The following SDK1 variants were observed in gnomAD, a reference collection of about 807,000 sequenced individuals.
The protein encoded by SDK1 is protein sidekick-1.
In SDK1, 157 loss-of-function variants were observed where a neutral mutation model predicts 245.5. The observed-to-expected ratio is 0.64, with a 90% CI of 0.56 to 0.73. The LOEUF is 0.73. SDK1 is among the 30% of genes least tolerant of loss of function. The pLI is 0.00. For missense variants in SDK1, 3,583 were observed against 3,002.3 expected (o/e 1.19, Z -4.52); for synonymous variants, 1,647 against 1,278.5 (o/e 1.29, Z -6.15).
intron 4 of SDK1, among the ~76,000 whole-genome samples, chr7:3,789,196 G>A (rs6462312): frequency 0.025 from 3,840 of 152,212 alleles, 161 homozygotes; most frequent in African/African-American, 0.089. Flanking sequence ...TACCCAGGCT[G>A]GAGTGCAGTG....
intron 35 of SDK1, among the ~76,000 whole-genome samples, chr7:4,182,693 G>A (rs897112605): frequency 1.3e-5 from 2 of 152,182 alleles, no homozygotes; most frequent in Admixed American, 6.5e-5. Context: ...TGCCGCCCAG[G>A]CACTCATGTT....
chr7:4,051,286 A>G (rs942266457), intron 18 of SDK1, among the ~76,000 whole-genome samples: 70 of 145,712 alleles, frequency 4.8e-4, no homozygotes, highest in Non-Finnish European at 9.1e-4. Flanking sequence ...CTTTTTATGT[A>G]TATATGTTAT....
intron 14 of SDK1, among the ~76,000 whole-genome samples, chr7:3,995,819 AT>A (rs10605028): frequency 0.33 from 47,826 of 144,456 alleles, 8,402 homozygotes; most frequent in African/African-American, 0.49. Flanking sequence ...GGCCTTAGGG[AT>A]TTTTTTTTTT....
chr7:4,021,283 C>T (rs755136307), intron 17 of SDK1, among the ~76,000 whole-genome samples: 18 of 152,128 alleles, frequency 1.2e-4, no homozygotes, highest in African/African-American at 3.9e-4. Flanking sequence ...ATCCACAGAT[C>T]GGGGTACTGG....
intron 17 of SDK1, among the ~76,000 whole-genome samples, chr7:4,048,071 T>C (rs1789150305): frequency 6.6e-6 from 1 of 152,150 alleles, no homozygotes; most frequent in Non-Finnish European, 1.5e-5. Context: ...GCCAAGTTTA[T>C]GTTTGTCTCA....
intron 1 of SDK1, among the ~76,000 whole-genome samples, chr7:3,557,754 G>A (rs184089767): frequency 6.6e-6 from 1 of 152,152 alleles, no homozygotes; most frequent in East Asian, 1.9e-4. Flanking sequence ...TATTATCTCA[G>A]TTAAATTTTC....
chr7:3,504,773 A>G (rs962289782), intron 1 of SDK1, among the ~76,000 whole-genome samples: 3 of 141,138 alleles, frequency 2.1e-5, no homozygotes, highest in African/African-American at 9.1e-5. Flanking sequence ...AGCACAAACA[A>G]CAGAAGGAAA....
chr7:3,483,957 T>C lies in SDK1; in HGVS notation c.299-135123T>C, dbSNP rs138982317. On this transcript the variant is annotated intron_variant, in intron 1 of 44. Transcript: ENST00000404826. Reference sequence around the variant, plus strand: ...CTAATACATAATAGTTGGACATATTTATGGGGTACATGTGATATTTTGATA... The same window carrying C: ...CTAATACATAATAGTTGGACATATTCATGGGGTACATGTGATATTTTGATA... 3.0e-3 allele frequency among the ~76,000 whole-genome samples: 462 copies of C among 152,334 alleles called. 2 individuals are homozygous for C. Among genetic ancestry groups the C allele is most frequent in the African/African-American group, 0.011 (449 of 41,576 alleles).
chr7:3,475,236 T>C (rs1284235270), intron 1 of SDK1, among the ~76,000 whole-genome samples: 1 of 152,200 alleles, frequency 6.6e-6, no homozygotes, highest in Non-Finnish European at 1.5e-5. Flanking sequence ...TGCTTCTTGT[T>C]GTCTTCAAGG....
intron 4 of SDK1, among the ~76,000 whole-genome samples, chr7:3,776,031 G>C (rs1479753554): frequency 6.6e-6 from 1 of 152,186 alleles, no homozygotes; most frequent in Non-Finnish European, 1.5e-5. Context: ...TTCCCACCCT[G>C]CATTGTCCAC....
intron 1 of SDK1, among the ~76,000 whole-genome samples, chr7:3,396,390 G>A (rs746026917): frequency 6.6e-6 from 1 of 151,724 alleles, no homozygotes; most frequent in Non-Finnish European, 1.5e-5. Flanking sequence ...TGCTTTAGAT[G>A]TGTGTTAAGG....
At chr7:3,383,919 G>A (rs1333268226) in intron 1 of SDK1, among the ~76,000 whole-genome samples, 2 of 152,036 alleles carry the variant, frequency 1.3e-5, no homozygotes, top group Non-Finnish European at 2.9e-5. Flanking sequence ...TCAATCTTAT[G>A]GGTCACAACA....
intron 2 of SDK1, among the ~76,000 whole-genome samples, chr7:3,630,361 C>G (rs1379887406): frequency 1.3e-5 from 2 of 152,124 alleles, no homozygotes; most frequent in Non-Finnish European, 2.9e-5. Flanking sequence ...AAAATATATA[C>G]TTTTAAAAAG....
At chr7:3,641,934 G>T in intron 3 of SDK1, 24 bp from the exon 4 acceptor site, 4 of 1,602,268 alleles carry the variant, frequency 2.5e-6, no homozygotes, top group Non-Finnish European at 3.4e-6. Context: ...TCTAGAACTT[G>T]AAAGCACTTC....
At chr7:3,361,936 A>G (rs1562440836) in intron 1 of SDK1, among the ~76,000 whole-genome samples, 1 of 152,132 alleles carries the variant, frequency 6.6e-6, no homozygotes, top group African/African-American at 2.4e-5. Flanking sequence ...AGCAGATTAC[A>G]TTTTCAGTGG....
At chr7:3,482,684 G>T (rs898974662) in intron 1 of SDK1, among the ~76,000 whole-genome samples, 1 of 152,076 alleles carries the variant, frequency 6.6e-6, no homozygotes, top group African/African-American at 2.4e-5. Context: ...AATTCAACGT[G>T]GTCTTCAAGT....
chr7:3,383,553 T>C (rs1449711804), intron 1 of SDK1, among the ~76,000 whole-genome samples: 1 of 152,190 alleles, frequency 6.6e-6, no homozygotes, highest in Non-Finnish European at 1.5e-5. Context: ...ACTTAAAAAG[T>C]ATCTGGCTAA....
chr7:3,737,173 G>A (rs919258184), intron 4 of SDK1, among the ~76,000 whole-genome samples: 2 of 152,184 alleles, frequency 1.3e-5, no homozygotes, highest in Non-Finnish European at 1.5e-5. Context: ...CCCTGCAGTC[G>A]GGTGGGGGAA....
At chr7:3,951,951 A>T in intron 7 of SDK1, 31 bp downstream of exon 7, 2 of 1,586,598 alleles carry the variant, frequency 1.3e-6, no homozygotes, top group Non-Finnish European at 1.7e-6. Context: ...TGGTGTTGCC[A>T]GCATCTCAGA....
Sources: allele counts gnomAD v4.1 joint callset (sites outside exome capture counted in the v4.1 genomes callset), GRCh38; gene constraint gnomAD v4.1.1; transcripts MANE v1.5; gene names NCBI Gene and HGNC (gene_info 2026-07-23, HGNC 2026-07-21).